The following KLHL18 variants were observed in gnomAD, a reference collection of about 807,000 sequenced individuals.
KLHL18 encodes kelch like family member 18, also known as kelch-like protein 18.
KLHL18 carries 38 observed loss-of-function variants against 58.5 expected under a neutral mutation model. The ratio of observed to expected loss-of-function variants is 0.65; its 90% confidence interval spans 0.50 to 0.85. KLHL18 has a LOEUF of 0.85. KLHL18 is among the 40% of genes least tolerant of loss of function. KLHL18 has a pLI of 0.00. For missense variants in KLHL18, 624 were observed against 778.4 expected (o/e 0.80, Z 2.36); for synonymous variants, 303 against 301.9 (o/e 1.00, Z -0.04).
At chr3:47,297,378 T>A (rs374458580) in intron 1 of KLHL18, among the ~76,000 whole-genome samples, 9 of 152,300 alleles carry the variant, frequency 5.9e-5, no homozygotes, top group African/African-American at 1.9e-4. Context: ...GCCATCAGCA[T>A]TGAAGGTGAA....
intron 1 of KLHL18, among the ~76,000 whole-genome samples, chr3:47,315,803 A>G (rs1384380258): frequency 6.6e-6 from 1 of 152,250 alleles, no homozygotes; most frequent in Non-Finnish European, 1.5e-5. Flanking sequence ...TAAAGAAGAA[A>G]AAAAGTTGTA....
At chr3:47,324,125 C>G (rs1703652105) in intron 3 of KLHL18, among the ~76,000 whole-genome samples, 1 of 151,896 alleles carries the variant, frequency 6.6e-6, no homozygotes, top group South Asian at 2.1e-4. Context: ...CCAACCTTGT[C>G]CCTGCTGTGG....
At chr3:47,317,096 T>G (rs1410983879) in intron 1 of KLHL18, among the ~76,000 whole-genome samples, 1 of 152,178 alleles carries the variant, frequency 6.6e-6, no homozygotes, top group African/African-American at 2.4e-5. Context: ...CCCCTTCTTA[T>G]GAGGCTCTAC....
chr3:47,313,211 ATTTTT>A (rs759672291), intron 1 of KLHL18, among the ~76,000 whole-genome samples: 1 of 117,330 alleles, frequency 8.5e-6, no homozygotes, highest in Non-Finnish European at 1.8e-5. Context: ...GCCCGGCCTA[ATTTTT>A]TTTTTTTTTT....
intron 4 of KLHL18, 72 bp downstream of exon 4, chr3:47,330,221 G>T: frequency 7.1e-7 from 1 of 1,409,718 alleles, no homozygotes. Flanking sequence ...TTTTGTTTAT[G>T]TATTTTTTTA....
chr3:47,322,855 A>C, intron 3 of KLHL18, 147 bp downstream of exon 3: 1 of 738,112 alleles, frequency 1.4e-6, no homozygotes, highest in Non-Finnish European at 1.9e-6. Flanking sequence ...ATTTCTTGAA[A>C]TCAGTTTGTA....
At chr3:47,311,797 T>C (rs946330447) in intron 1 of KLHL18, among the ~76,000 whole-genome samples, 3 of 152,214 alleles carry the variant, frequency 2.0e-5, no homozygotes, top group Non-Finnish European at 4.4e-5. Flanking sequence ...TGTAACTCCA[T>C]CACTTCTTTT....
intron 1 of KLHL18, among the ~76,000 whole-genome samples, chr3:47,311,170 C>A (rs541335072): frequency 9.4e-4 from 143 of 152,106 alleles, no homozygotes; most frequent in African/African-American, 3.4e-3. Flanking sequence ...CCGCTTCGCC[C>A]GGCTAATTTT....
intron 8 of KLHL18, among the ~76,000 whole-genome samples, chr3:47,341,358 T>C (rs928878770): frequency 2.0e-5 from 3 of 152,234 alleles, no homozygotes; most frequent in Non-Finnish European, 4.4e-5. Context: ...ACTTGACCAA[T>C]CTACTGTGGA....
At chr3:47,305,334 G>GTTTTTT (rs397744565) in intron 1 of KLHL18, among the ~76,000 whole-genome samples, 257 of 70,172 alleles carry the variant, frequency 3.7e-3, no homozygotes, top group Middle Eastern at 0.017. Context: ...ATTTTGTCAA[G>GTTTTTT]TTTTTTTTTT....
chr3:47,299,820 G>A (rs1426330683), intron 1 of KLHL18, among the ~76,000 whole-genome samples: 3 of 75,368 alleles, frequency 4.0e-5, no homozygotes, highest in Admixed American at 2.4e-4. Flanking sequence ...GAGTGATACT[G>A]TGTCTCAAAA....
At chr3:47,328,567 C>G (rs1703778885) in intron 3 of KLHL18, among the ~76,000 whole-genome samples, 1 of 152,072 alleles carries the variant, frequency 6.6e-6, no homozygotes, top group African/African-American at 2.4e-5. Context: ...CTGGGTTTCT[C>G]TAGCCCTGAT....
chr3:47,298,003 G>C (rs1020273796), intron 1 of KLHL18, among the ~76,000 whole-genome samples: 3 of 152,104 alleles, frequency 2.0e-5, no homozygotes, highest in Non-Finnish European at 4.4e-5. Flanking sequence ...AGAAAAATGA[G>C]GGGATAAGAA....
intron 1 of KLHL18, among the ~76,000 whole-genome samples, chr3:47,316,677 GTATA>G (rs1446434282): frequency 7.3e-5 from 5 of 68,586 alleles, no homozygotes; most frequent in African/African-American, 3.0e-4. Context: ...ACGTATATAT[GTATA>G]TGTGTGTGTA....
intron 7 of KLHL18, among the ~76,000 whole-genome samples, chr3:47,340,190 A>G (rs778135107): frequency 6.6e-6 from 1 of 152,228 alleles, no homozygotes; most frequent in Non-Finnish European, 1.5e-5. Context: ...AATGATTGTA[A>G]CAACTGCTGA....
chr3:47,324,691 AGTC>A (rs1703674879), intron 3 of KLHL18, among the ~76,000 whole-genome samples: 1 of 152,004 alleles, frequency 6.6e-6, no homozygotes, highest in Admixed American at 6.6e-5. Flanking sequence ...TTTTTTAATT[AGTC>A]AAGTGCAGTG....
intron 1 of KLHL18, among the ~76,000 whole-genome samples, chr3:47,285,492 G>A (rs1414752498): frequency 6.6e-6 from 1 of 152,048 alleles, no homozygotes; most frequent in Non-Finnish European, 1.5e-5. Flanking sequence ...CAAGGCGAGT[G>A]GATCGCTTGA....
chr3:47,335,829 G>A (rs193128725), intron 6 of KLHL18, among the ~76,000 whole-genome samples: 74 of 152,234 alleles, frequency 4.9e-4, no homozygotes, highest in Non-Finnish European at 8.2e-4. Context: ...TTAATTGAAG[G>A]TTAATGAGAG....
In KLHL18 at chr3:47,325,773, C is replaced by CT. The variant is rs1293020257; in HGVS notation, c.401+3079dup. ...AGCACTGGAGCTGTGTATTTTCTTG[C>CT]TTTTTTTTTTTTTTGAGATGGAGTC... On this transcript the variant is annotated intron_variant, in intron 3 of 9. Coordinates refer to ENST00000232766, the MANE Select transcript of KLHL18 (RefSeq NM_025010.5). 8.8e-3 allele frequency among the ~76,000 whole-genome samples: 1,239 copies of CT among 140,712 alleles called. 20 individuals are homozygous for CT. Among genetic ancestry groups the CT allele is most frequent in the African/African-American group, 0.025 (961 of 38,404 alleles). The allele number at this position is 140,712 out of a possible 152,430, so 92.3% of individuals were successfully genotyped here.
Sources: allele counts gnomAD v4.1 joint callset (sites outside exome capture counted in the v4.1 genomes callset), GRCh38; gene constraint gnomAD v4.1.1; transcripts MANE v1.5; gene names NCBI Gene and HGNC (gene_info 2026-07-23, HGNC 2026-07-21).